The following MAD1L1 variants were observed in gnomAD, a reference collection of about 807,000 sequenced individuals.
MAD1L1 encodes mitotic arrest deficient 1 like 1.
A neutral mutation model predicts 96.9 loss-of-function variants in MAD1L1; 95 were observed. The ratio of observed to expected loss-of-function variants is 0.98; its 90% CI spans 0.83 to 1.16. The LOEUF (loss-of-function observed/expected upper bound fraction) is 1.16. Among genes scored for constraint, MAD1L1 ranks in the 50% most tolerant of loss-of-function variants. MAD1L1 has a pLI of 0.00. For synonymous variants in MAD1L1, 473 were observed against 396.6 expected (o/e 1.19, Z -2.29); for missense variants, 1,007 against 954.4 (o/e 1.06, Z -0.73).
At chr7:1,822,522 G>C (rs1191821499) in intron 18 of MAD1L1, among the ~76,000 whole-genome samples, 1 of 149,994 alleles carries the variant, frequency 6.7e-6, no homozygotes, top group African/African-American at 2.5e-5. Flanking sequence ...GCTCACTGCA[G>C]CCTCAGGCAA....
intron 18 of MAD1L1, among the ~76,000 whole-genome samples, chr7:1,823,444 A>G (rs533024227): frequency 2.6e-5 from 4 of 152,260 alleles, no homozygotes; most frequent in Non-Finnish European, 4.4e-5. Context: ...GAGCCTGTGA[A>G]GCAGATACAA....
At chr7:2,151,188 T>C (rs1349782776) in intron 10 of MAD1L1, among the ~76,000 whole-genome samples, 2 of 152,242 alleles carry the variant, frequency 1.3e-5, no homozygotes, top group Admixed American at 1.3e-4. Context: ...ATTTAAGTTG[T>C]TTTGCATTAA....
chr7:2,205,358 C>T (rs1055236501), intron 10 of MAD1L1, among the ~76,000 whole-genome samples: 7 of 152,130 alleles, frequency 4.6e-5, no homozygotes, highest in Admixed American at 6.5e-5. Context: ...ACTTCCCTAA[C>T]GGCTCCTACA....
At position 2,125,145 on chromosome 7, in the gene MAD1L1, G is replaced by A. The variant is rs529905195; in HGVS notation, c.1073+24007C>T. Among the ~76,000 whole-genome samples, 154 of 152,292 alleles carry A rather than the reference G, an allele frequency of 1.0e-3. 1 individual carries two copies. Among genetic ancestry groups the A allele is most frequent in the South Asian group, 8.7e-3 (42 of 4,824 alleles). ...ACAGGACCTGCCACAGAAAGGTTGC[G>A]TCAGACCCCGGGTCATGCAGCCCAC... On this transcript the variant is annotated intron_variant, in intron 11 of 18. Coordinates refer to ENST00000265854, the MANE Select transcript of MAD1L1 (RefSeq NM_001013836.2).
intron 11 of MAD1L1, among the ~76,000 whole-genome samples, chr7:2,113,097 G>A (rs1257253915): frequency 1.4e-5 from 2 of 143,760 alleles, no homozygotes; most frequent in Middle Eastern, 7.6e-3. Context: ...GGGGACGAGG[G>A]GCAGAGCCTC....
intron 18 of MAD1L1, among the ~76,000 whole-genome samples, chr7:1,897,759 C>T (rs893824376): frequency 2.0e-5 from 3 of 152,244 alleles, no homozygotes; most frequent in Non-Finnish European, 4.4e-5. Flanking sequence ...GTCTACCTTG[C>T]CCTGTGCTGG....
chr7:1,954,998 C>T (rs1779663604), intron 16 of MAD1L1, among the ~76,000 whole-genome samples: 1 of 152,214 alleles, frequency 6.6e-6, no homozygotes, highest in Non-Finnish European at 1.5e-5. Flanking sequence ...AGTGACGGCC[C>T]TCCCAGGAAG....
chr7:2,042,234 C>T (rs567652303), intron 12 of MAD1L1, among the ~76,000 whole-genome samples: 1 of 149,580 alleles, frequency 6.7e-6, no homozygotes, highest in South Asian at 2.1e-4. Flanking sequence ...CACACAAGCG[C>T]ATGCGCACAC....
At chr7:1,825,440 CT>C (rs1782339662) in intron 18 of MAD1L1, among the ~76,000 whole-genome samples, 1 of 152,240 alleles carries the variant, frequency 6.6e-6, no homozygotes, top group Non-Finnish European at 1.5e-5. Flanking sequence ...GCCCAGCCAG[CT>C]GGTTGGGGTG....
chr7:1,872,682 C>T (rs977621287), intron 18 of MAD1L1: 17 of 152,304 alleles, frequency 1.1e-4, no homozygotes, highest in African/African-American at 3.4e-4. Context: ...TGGCTGCGGA[C>T]TCCTGGGCAC....
chr7:1,907,731 C>T (rs777468123), intron 17 of MAD1L1, among the ~76,000 whole-genome samples: 11 of 152,240 alleles, frequency 7.2e-5, no homozygotes, highest in Non-Finnish European at 1.5e-4. Flanking sequence ...AAAACCCTCT[C>T]GGCAATAACG....
At chr7:1,917,987 G>T (rs1788520524) in intron 17 of MAD1L1, among the ~76,000 whole-genome samples, 2 of 152,172 alleles carry the variant, frequency 1.3e-5, no homozygotes, top group African/African-American at 4.8e-5. Context: ...GACTAGATGT[G>T]GGGCTGGGGA....
At position 2,177,170 on chromosome 7, in the gene MAD1L1, G is replaced by C. The variant is rs1480439162; in HGVS notation, c.987-27932C>G. On this transcript the variant is annotated intron_variant, in intron 10 of 18. Coordinates refer to ENST00000265854, the MANE Select transcript of MAD1L1 (RefSeq NM_001013836.2). Reference sequence around the variant, plus strand: ...GTTTTTCTGTATCCGAGTCCTTCAAGTGCTCTCCCTGATATCAGGCAGTAA... The same window carrying C: ...GTTTTTCTGTATCCGAGTCCTTCAACTGCTCTCCCTGATATCAGGCAGTAA... Among the ~76,000 whole-genome samples, 4 of 152,320 alleles carry C rather than the reference G, an allele frequency of 2.6e-5. No individual in the cohort carries two copies. The East Asian group carries it at 7.7e-4, about 29-fold the overall frequency.
At chr7:2,037,479 T>C (rs1455676102) in intron 12 of MAD1L1, among the ~76,000 whole-genome samples, 1 of 152,256 alleles carries the variant, frequency 6.6e-6, no homozygotes, top group Non-Finnish European at 1.5e-5. Flanking sequence ...TACACGGCTC[T>C]GTCACATCTG....
intron 17 of MAD1L1, among the ~76,000 whole-genome samples, chr7:1,904,130 C>T (rs1205198249): frequency 7.1e-6 from 1 of 141,580 alleles, no homozygotes; most frequent in South Asian, 2.4e-4. Flanking sequence ...AGCACTGTTC[C>T]AGGCAGCGAG....
intron 10 of MAD1L1, among the ~76,000 whole-genome samples, chr7:2,196,985 C>T (rs1036008231): frequency 6.6e-6 from 1 of 152,222 alleles, no homozygotes; most frequent in African/African-American, 2.4e-5. Flanking sequence ...CCTCGCCCTG[C>T]GAATTCAGTG....
intron 17 of MAD1L1, among the ~76,000 whole-genome samples, chr7:1,902,141 C>T (rs1275714575): frequency 1.3e-5 from 2 of 152,182 alleles, no homozygotes; most frequent in African/African-American, 4.8e-5. Context: ...GGTGCCTGAA[C>T]AGCCACCCCC....
chr7:2,088,038 G>C lies in MAD1L1; in HGVS notation c.1074-18700C>G, dbSNP rs1470394462. On this transcript the variant is annotated intron_variant, in intron 11 of 18. Coordinates refer to ENST00000265854, the MANE Select transcript of MAD1L1 (RefSeq NM_001013836.2). This position sits in a 1 kb window ranked among gnomAD's most constrained non-coding sequence, Gnocchi z 4.4. ...CGTTTCCCAGCAGATCGAGGCTTGA[G>C]GCTCTAGGAGAGTTAGAGAAGAAGA... Among the ~76,000 whole-genome samples, 1 of 152,166 alleles carries C rather than the reference G, an allele frequency of 6.6e-6. No homozygotes were observed. Among genetic ancestry groups the C allele is most frequent in the African/African-American group, 2.4e-5 (1 of 41,430 alleles).
At chr7:1,862,798 G>C (rs918154167) in intron 18 of MAD1L1, among the ~76,000 whole-genome samples, 9 of 152,250 alleles carry the variant, frequency 5.9e-5, no homozygotes, top group Non-Finnish European at 1.5e-5. Context: ...TATAAATAGA[G>C]TGACGATGAA....
Sources: allele counts gnomAD v4.1 joint callset (sites outside exome capture counted in the v4.1 genomes callset), GRCh38; gene constraint gnomAD v4.1.1; non-coding constraint Gnocchi (gnomAD v3.1); transcripts MANE v1.5; gene names NCBI Gene and HGNC (gene_info 2026-07-23, HGNC 2026-07-21).